Variants in GRID1 observed in about 807,000 individuals in gnomAD.
The protein encoded by GRID1 is glutamate receptor ionotropic, delta-1.
In GRID1, 28 loss-of-function variants were observed where a neutral mutation model predicts 98.0. The observed-to-expected ratio is 0.29, with a 90% CI of 0.21 to 0.39. The LOEUF is 0.39. Among genes scored for constraint, GRID1 ranks in the 10% least tolerant of loss-of-function variants. The pLI, the probability that GRID1 is intolerant of heterozygous loss-of-function variation, is 1.00. For synonymous variants in GRID1, 553 were observed against 538.5 expected (o/e 1.03, Z -0.37); for missense variants, 1,111 against 1,340.5 (o/e 0.83, Z 2.67).
intron 8 of GRID1, among the ~76,000 whole-genome samples, chr10:85,772,235 C>G (rs1404734101): frequency 6.6e-6 from 1 of 151,902 alleles, no homozygotes; most frequent in African/African-American, 2.4e-5. Flanking sequence ...GGGTACATAA[C>G]GAAATGAAGG....
chr10:85,820,135 A>G (rs1842755247), intron 8 of GRID1, among the ~76,000 whole-genome samples: 1 of 127,024 alleles, frequency 7.9e-6, no homozygotes, highest in African/African-American at 3.3e-5. Context: ...GGGAGAAAGA[A>G]AGAAACAGAA....
At chr10:86,293,762 T>C (rs1426641635) in intron 2 of GRID1, among the ~76,000 whole-genome samples, 1 of 152,074 alleles carries the variant, frequency 6.6e-6, no homozygotes, top group Non-Finnish European at 1.5e-5. Flanking sequence ...AATGCATTCA[T>C]TCATTCATTC....
At chr10:85,723,986 T>C (rs1486755185) in intron 11 of GRID1, among the ~76,000 whole-genome samples, 4 of 152,192 alleles carry the variant, frequency 2.6e-5, no homozygotes, top group Non-Finnish European at 5.9e-5. Context: ...TGCAATACAA[T>C]TGGGATTTTT....
At chr10:85,948,950 C>A (rs185742286) in intron 4 of GRID1, among the ~76,000 whole-genome samples, 19 of 152,152 alleles carry the variant, frequency 1.2e-4, no homozygotes, top group African/African-American at 4.6e-4. Flanking sequence ...ACTTTATAAT[C>A]AGGAACATGA....
chr10:86,324,811 A>C (rs1448201965), intron 2 of GRID1, among the ~76,000 whole-genome samples: 2 of 152,158 alleles, frequency 1.3e-5, no homozygotes, highest in Middle Eastern at 3.2e-3. Context: ...TCATGACATA[A>C]CTTTTTTTTT....
At chr10:86,105,149 C>A (rs571824590) in intron 4 of GRID1, among the ~76,000 whole-genome samples, 5 of 152,328 alleles carry the variant, frequency 3.3e-5, no homozygotes, top group African/African-American at 1.2e-4. Flanking sequence ...GTTGGAGAAG[C>A]ACTTTTCAAT....
At chr10:86,142,213 GC>G (rs1365547483) in intron 3 of GRID1, among the ~76,000 whole-genome samples, 1 of 152,218 alleles carries the variant, frequency 6.6e-6, no homozygotes, top group African/African-American at 2.4e-5. Context: ...GAGCAGAACT[GC>G]CCAGTTGACC....
intron 8 of GRID1, among the ~76,000 whole-genome samples, chr10:85,825,719 A>G (rs1026226297): frequency 3.3e-5 from 5 of 152,214 alleles, no homozygotes; most frequent in Admixed American, 1.3e-4. Context: ...TAAATGGTCA[A>G]TCAAAAATAT....
chr10:85,774,468 G>T lies in GRID1; in HGVS notation c.1234-44854C>A, dbSNP rs1019184339. On this transcript the variant is annotated intron_variant, in intron 8 of 15. Transcript: ENST00000327946. The stretch of plus-strand genomic sequence containing the variant: ...AGCAATGGCAACAAAAGCCAAAATT[G>T]ACAAATGGAATCTAATTAAACTAAA... Among the ~76,000 whole-genome samples the T allele has an allele frequency of 3.9e-5, 6 of 151,952 alleles. No homozygotes were observed. The East Asian group carries it at 1.2e-3, about 29-fold the overall frequency.
At chr10:86,058,218 G>A (rs965089868) in intron 4 of GRID1, among the ~76,000 whole-genome samples, 2 of 152,140 alleles carry the variant, frequency 1.3e-5, no homozygotes, top group Admixed American at 1.3e-4. Context: ...GAAAGCAAGA[G>A]GCTGGATGGA....
intron 10 of GRID1, 94 bp downstream of exon 10, chr10:85,727,761 C>A: frequency 1.1e-6 from 1 of 907,446 alleles, no homozygotes; most frequent in Non-Finnish European, 1.8e-6. Flanking sequence ...TTTAGCTGGT[C>A]CCAAGGTTTC....
chr10:86,173,243 T>C (rs571483291), intron 3 of GRID1, among the ~76,000 whole-genome samples: 36 of 152,180 alleles, frequency 2.4e-4, no homozygotes, highest in Non-Finnish European at 3.8e-4. Flanking sequence ...CTTGCTATGT[T>C]GCCCAGGCTG....
chr10:86,110,824 A>G (rs1429912307), intron 4 of GRID1, among the ~76,000 whole-genome samples: 1 of 152,244 alleles, frequency 6.6e-6, no homozygotes, highest in Non-Finnish European at 1.5e-5. Flanking sequence ...AAAATTTAAC[A>G]ACCAAATAAA....
intron 8 of GRID1, among the ~76,000 whole-genome samples, chr10:85,737,673 T>TGTATAA (rs1841898496): frequency 8.8e-6 from 1 of 113,054 alleles, no homozygotes; most frequent in African/African-American, 3.6e-5. Flanking sequence ...TATATATATA[T>TGTATAA]AAACATATAT....
chr10:86,167,533 G>T (rs1270172052), intron 3 of GRID1, among the ~76,000 whole-genome samples: 1 of 152,248 alleles, frequency 6.6e-6, no homozygotes, highest in Non-Finnish European at 1.5e-5. Flanking sequence ...TGGGGACAGT[G>T]GTTGCTGGGG....
At chr10:85,814,856 A>G (rs1174297555) in intron 8 of GRID1, among the ~76,000 whole-genome samples, 1 of 152,004 alleles carries the variant, frequency 6.6e-6, no homozygotes, top group Non-Finnish European at 1.5e-5. Flanking sequence ...AATTCTGCAC[A>G]ATTTCTTCTA....
intron 4 of GRID1, among the ~76,000 whole-genome samples, chr10:85,987,537 A>G (rs1349627673): frequency 1.2e-5 from 1 of 80,220 alleles, no homozygotes; most frequent in Non-Finnish European, 2.4e-5. Flanking sequence ...CCCCAACCTA[A>G]TTACCCCTTT....
intron 8 of GRID1, among the ~76,000 whole-genome samples, chr10:85,787,379 C>T (rs1842439112): frequency 6.6e-6 from 1 of 152,148 alleles, no homozygotes; most frequent in Admixed American, 6.5e-5. Flanking sequence ...TCCACCTGGA[C>T]CCAGTTCATA....
At chr10:86,315,743 C>T (rs1327799135) in intron 2 of GRID1, among the ~76,000 whole-genome samples, 2 of 152,130 alleles carry the variant, frequency 1.3e-5, no homozygotes, top group East Asian at 1.9e-4. Context: ...CTCCAACCAT[C>T]CACCCATCCA....
Sources: allele counts gnomAD v4.1 joint callset (sites outside exome capture counted in the v4.1 genomes callset), GRCh38; gene constraint gnomAD v4.1.1; transcripts MANE v1.5; gene names NCBI Gene and HGNC (gene_info 2026-07-23, HGNC 2026-07-21).